Variants in PDE10A observed in about 807,000 individuals in gnomAD.
PDE10A encodes the protein cAMP and cAMP-inhibited cGMP 3',5'-cyclic phosphodiesterase 10A.
PDE10A carries 39 observed loss-of-function variants against 97.7 expected under a neutral mutation model. The observed-to-expected ratio is 0.40, with a 90% CI of 0.31 to 0.52. The LOEUF is 0.52. Among genes scored for constraint, PDE10A ranks in the 20% least tolerant of loss-of-function variants. PDE10A has a pLI of 0.56. For missense variants in PDE10A, 731 were observed against 1,047.8 expected (o/e 0.70, Z 4.17); for synonymous variants, 371 against 376.8 (o/e 0.98, Z 0.18).
intron 2 of PDE10A, among the ~76,000 whole-genome samples, chr6:165,534,789 A>G (rs139573871): frequency 4.3e-4 from 65 of 152,194 alleles, no homozygotes; most frequent in African/African-American, 1.5e-3. Flanking sequence ...CTATAGAAGA[A>G]ACATACCTCA....
chr6:165,471,318 G>A (rs1202336295), intron 3 of PDE10A, among the ~76,000 whole-genome samples: 1 of 152,072 alleles, frequency 6.6e-6, no homozygotes, highest in Non-Finnish European at 1.5e-5. Flanking sequence ...CCAGGGTTGA[G>A]CCACACTCAC....
intron 15 of PDE10A, 36 bp downstream of exon 15, chr6:165,395,145 A>T (rs491517): frequency 0.15 from 202,277 of 1,344,768 alleles, 17,608 homozygotes; most frequent in African/African-American, 0.33. Context: ...TATGTCACCC[A>T]ATATTTCAAA....
chr6:165,816,432 T>C (rs1334289502), intron 1 of PDE10A, among the ~76,000 whole-genome samples: 3 of 152,168 alleles, frequency 2.0e-5, no homozygotes, highest in Non-Finnish European at 4.4e-5. Context: ...AAGCCTGATG[T>C]CTGTTGAGAG....
chr6:165,831,530 T>A (rs1779915626), intron 1 of PDE10A, among the ~76,000 whole-genome samples: 1 of 142,256 alleles, frequency 7.0e-6, no homozygotes, highest in African/African-American at 2.7e-5. Flanking sequence ...CAGGCTGGAG[T>A]GCAGTGGCAC....
chr6:165,930,805 G>A (rs1583300976), intron 1 of PDE10A, among the ~76,000 whole-genome samples: 1 of 152,360 alleles, frequency 6.6e-6, no homozygotes, highest in East Asian at 1.9e-4. Context: ...TGTGAGGGCT[G>A]GAGCTGCGGG....
At chr6:165,478,799 G>C (rs1336059971) in intron 3 of PDE10A, among the ~76,000 whole-genome samples, 1 of 152,236 alleles carries the variant, frequency 6.6e-6, no homozygotes, top group Non-Finnish European at 1.5e-5. Context: ...CATGATAAAA[G>C]CTTGGGCTCC....
At chr6:165,784,111 G>A (rs560905998) in intron 1 of PDE10A, among the ~76,000 whole-genome samples, 13 of 151,900 alleles carry the variant, frequency 8.6e-5, no homozygotes, top group East Asian at 3.9e-4. Flanking sequence ...CCAGCTACTC[G>A]GGAGGCTGAG....
chr6:165,575,180 G>A (rs1785240717), intron 1 of PDE10A, among the ~76,000 whole-genome samples: 1 of 152,138 alleles, frequency 6.6e-6, no homozygotes, highest in South Asian at 2.1e-4. Flanking sequence ...AGAATTCTTT[G>A]CTTAGTCCCA....
At chr6:165,743,797 C>T (rs539706272) in intron 1 of PDE10A, among the ~76,000 whole-genome samples, 34 of 152,336 alleles carry the variant, frequency 2.2e-4, no homozygotes, top group African/African-American at 7.0e-4. Context: ...GTCTATTCTA[C>T]AATGAGAATG....
intron 1 of PDE10A, among the ~76,000 whole-genome samples, chr6:165,605,715 G>A (rs1787175518): frequency 6.6e-6 from 1 of 151,914 alleles, no homozygotes; most frequent in Non-Finnish European, 1.5e-5. Context: ...CAAATGCTTC[G>A]GCGCATGCAA....
chr6:165,561,904 G>C (rs1784542218), intron 1 of PDE10A, among the ~76,000 whole-genome samples: 1 of 152,186 alleles, frequency 6.6e-6, no homozygotes, highest in South Asian at 2.1e-4. Flanking sequence ...TTGCCAAATT[G>C]TAACCATTAT....
intron 1 of PDE10A, among the ~76,000 whole-genome samples, chr6:165,690,290 G>A (rs993582667): frequency 1.3e-5 from 2 of 152,168 alleles, no homozygotes; most frequent in Admixed American, 1.3e-4. Context: ...CTCCACTCCA[G>A]TCCTCTCCAT....
chr6:165,550,731 A>C (rs1382852444), intron 1 of PDE10A, among the ~76,000 whole-genome samples: 1 of 152,228 alleles, frequency 6.6e-6, no homozygotes, highest in African/African-American at 2.4e-5. Flanking sequence ...TCAGATAACA[A>C]TTCAACTTCA....
chr6:165,341,072 C>T (rs1425277929), intron 19 of PDE10A, among the ~76,000 whole-genome samples: 1 of 152,138 alleles, frequency 6.6e-6, no homozygotes, highest in Admixed American at 6.5e-5. Context: ...TAGAAAGTTG[C>T]AGTACTCAAG....
At chr6:165,714,517 G>T (rs975435139) in intron 1 of PDE10A, among the ~76,000 whole-genome samples, 3 of 152,198 alleles carry the variant, frequency 2.0e-5, no homozygotes, top group Non-Finnish European at 4.4e-5. Flanking sequence ...TAAATTCAAG[G>T]CTGGTAGGTG....
At chr6:165,540,643 T>C (rs1783377985) in intron 2 of PDE10A, among the ~76,000 whole-genome samples, 1 of 152,128 alleles carries the variant, frequency 6.6e-6, no homozygotes, top group Admixed American at 6.5e-5. Context: ...GGGACTTTCT[T>C]TTTTTGTTTG....
chr6:165,403,317 G>T (rs1786824232), intron 13 of PDE10A, among the ~76,000 whole-genome samples: 1 of 152,196 alleles, frequency 6.6e-6, no homozygotes, highest in Non-Finnish European at 1.5e-5. Flanking sequence ...GAACTGGCTT[G>T]CAAGAGCCAA....
At chr6:165,878,395 C>T (rs1408008034) in intron 1 of PDE10A, among the ~76,000 whole-genome samples, 1 of 152,194 alleles carries the variant, frequency 6.6e-6, no homozygotes, top group Non-Finnish European at 1.5e-5. Context: ...AACACTGCTA[C>T]TTATAGGGTC....
In PDE10A at chr6:165,458,262, C is replaced by A. The variant is rs368451532; in HGVS notation, c.1024-7900G>T. Reference sequence around the variant, plus strand: ...TTACCCAGAGCTATAGACTGTATCTCTGTCTCCCCCTAAAATTCCTACGCT... The same window carrying A: ...TTACCCAGAGCTATAGACTGTATCTATGTCTCCCCCTAAAATTCCTACGCT... On this transcript the variant is annotated intron_variant, in intron 3 of 21. Transcript: ENST00000539869. Among the ~76,000 whole-genome samples, 11 of 152,290 alleles carry A rather than the reference C, an allele frequency of 7.2e-5. No homozygotes were observed. The East Asian group carries it at 2.1e-3, about 29-fold the overall frequency.
Sources: allele counts gnomAD v4.1 joint callset (sites outside exome capture counted in the v4.1 genomes callset), GRCh38; gene constraint gnomAD v4.1.1; transcripts MANE v1.5; gene names NCBI Gene and HGNC (gene_info 2026-07-23, HGNC 2026-07-21).